Variants in SAMSN1 observed in about 807,000 individuals in gnomAD.
SAMSN1 encodes the protein SAM domain-containing protein SAMSN-1.
Under a neutral mutation model 42.0 loss-of-function variants are expected in SAMSN1, and 31 were observed. The observed-to-expected ratio is 0.74, with a 90% CI of 0.55 to 1.00. The LOEUF is 1.00. Ranked by LOEUF, SAMSN1 falls within the 50% of genes least tolerant of loss-of-function variation. The pLI is 0.00. For missense variants in SAMSN1, 464 were observed against 439.4 expected, an observed-to-expected ratio of 1.06 and a Z score of -0.50; for synonymous variants, 178 against 151.9, an observed-to-expected ratio of 1.17 and a Z score of -1.26.
chr21:14,530,437 G>T (rs538952248), intron 1 of SAMSN1, among the ~76,000 whole-genome samples: 1 of 152,074 alleles, frequency 6.6e-6, no homozygotes, highest in African/African-American at 2.4e-5. Flanking sequence ...ATCACTGGAT[G>T]ATAAAAAATG....
At chr21:14,621,496 T>C (rs1983004877) in intron 2 of SAMSN1, among the ~76,000 whole-genome samples, 1 of 152,202 alleles carries the variant, frequency 6.6e-6, no homozygotes, top group Non-Finnish European at 1.5e-5. Flanking sequence ...CAGGAGATTA[T>C]ATCCCACACC....
chr21:14,514,979 C>T (rs1361879609), intron 3 of SAMSN1, among the ~76,000 whole-genome samples: 3 of 151,880 alleles, frequency 2.0e-5, no homozygotes, highest in Admixed American at 1.3e-4. Flanking sequence ...AGGAACAAGC[C>T]TCAGGAAGAT....
At chr21:14,540,077 C>T (rs1979909169) in intron 1 of SAMSN1, among the ~76,000 whole-genome samples, 1 of 152,216 alleles carries the variant, frequency 6.6e-6, no homozygotes, top group Non-Finnish European at 1.5e-5. Flanking sequence ...GCTGGGAAAA[C>T]TGGTTAGCCA....
chr21:14,609,670 C>G lies in SAMSN1; in HGVS notation c.236-102G>C, dbSNP rs985260545. ...AACAAGTTCAGCACAGGATTTGCAA[C>G]TTGGTAAGTGGTATCTTAAGAGAGC... On this transcript the variant is annotated intron_variant, in intron 4 of 15. Transcript: ENST00000647101. 3 of 688,796 alleles carry G rather than the reference C, an allele frequency of 4.4e-6. No homozygotes were observed. In the African/African-American group the frequency reaches 5.3e-5, roughly 12 times the overall value. 42.7% of individuals were successfully genotyped at this position (688,796 alleles called of 1,614,324 possible). A position where few individuals can be genotyped will look rare whatever the true frequency, so the allele number is the denominator to read the frequency against.
chr21:14,609,439 T>G (rs1982648457), intron 5 of SAMSN1: 3 of 717,056 alleles, frequency 4.2e-6, no homozygotes, highest in African/African-American at 1.7e-5. Flanking sequence ...TTTAAACTAC[T>G]TTGGGAAAAT....
At chr21:14,595,456 T>C (rs988360326) in intron 6 of SAMSN1, among the ~76,000 whole-genome samples, 2 of 152,134 alleles carry the variant, frequency 1.3e-5, no homozygotes, top group East Asian at 3.8e-4. Context: ...TAAGGTACTT[T>C]GCTATAGCTG....
intron 2 of SAMSN1, among the ~76,000 whole-genome samples, chr21:14,626,930 T>C (rs1983193347): frequency 6.6e-6 from 1 of 152,134 alleles, no homozygotes; most frequent in Non-Finnish European, 1.5e-5. Flanking sequence ...ATATACACCA[T>C]GGAATACTAT....
At chr21:14,561,734 C>A (rs192630745) in intron 2 of SAMSN1, among the ~76,000 whole-genome samples, 1 of 152,244 alleles carries the variant, frequency 6.6e-6, no homozygotes, top group East Asian at 1.9e-4. Context: ...GCAGGGTGAA[C>A]CCTTAATCCA....
rs747236537 is a variant in SAMSN1, at chr21:14,485,962, T to C, written c.1072A>G (p.Asn358Asp). Residue 358 changes from asparagine (N) to aspartate (D), a missense_variant, in exon 8 of 8, where the codon AAT becomes GAT. By Grantham distance (23) the Asn-to-Asp change is conservative (BLOSUM62 1). Coordinates refer to ENST00000400566, the MANE Select transcript of SAMSN1 (RefSeq NM_022136.5). ...DNGKEDLESENLSDMVHKIII... is the reference protein window; with the variant it reads ...DNGKEDLESEDLSDMVHKIII... ...ATCTTATGTACCATGTCAGACAGAT[T>C]TTCAGACTCCAGATCCTCTTTGCCA... 8.7e-6 allele frequency: 14 copies of C among 1,613,656 alleles called. No homozygotes were observed. Among genetic ancestry groups the C allele is most frequent in the African/African-American group, 2.7e-5 (2 of 74,882 alleles).
intron 1 of SAMSN1, among the ~76,000 whole-genome samples, chr21:14,656,086 C>G (rs1243334938): frequency 6.6e-6 from 1 of 151,730 alleles, no homozygotes; most frequent in Non-Finnish European, 1.5e-5. Context: ...AAAGAGTTAT[C>G]TATGTTTGTG....
intron 1 of SAMSN1, among the ~76,000 whole-genome samples, chr21:14,524,105 A>T (rs1978676720): frequency 6.6e-6 from 1 of 152,210 alleles, no homozygotes. Flanking sequence ...TTTATGATGT[A>T]TAGATTATGG....
chr21:14,640,616 A>G (rs1325252358), intron 2 of SAMSN1, among the ~76,000 whole-genome samples: 1 of 151,310 alleles, frequency 6.6e-6, no homozygotes. Flanking sequence ...GCTCCAAACC[A>G]TTAACTGGGG....
chr21:14,536,136 A>C (rs1394354033), intron 1 of SAMSN1, among the ~76,000 whole-genome samples: 1 of 152,242 alleles, frequency 6.6e-6, no homozygotes, highest in Non-Finnish European at 1.5e-5. Flanking sequence ...CGAAATCTTT[A>C]ACACTAGAAA....
In SAMSN1 at chr21:14,493,613, A is replaced by ACACACACACG. The variant is rs1555826735; in HGVS notation, c.919+4828_919+4829insCGTGTGTGTG. Among the ~76,000 whole-genome samples the ACACACACACG allele has an allele frequency of 1.9e-4, 29 of 151,036 alleles. No individual in the cohort carries two copies. The South Asian group carries it at 2.1e-3, about 11-fold the overall frequency. On this transcript the variant is annotated intron_variant, in intron 7 of 7. Transcript: ENST00000400566. ...CACACACACACACACACACACACAC[A>ACACACACACG]TATTTTCTGTTCTCTTTTTTATTTG...
intron 5 of SAMSN1, among the ~76,000 whole-genome samples, chr21:14,506,843 C>A (rs1031316347): frequency 2.0e-5 from 3 of 152,114 alleles, no homozygotes; most frequent in Non-Finnish European, 2.9e-5. Flanking sequence ...AGATAACCCA[C>A]CATGATCAAG....
At chr21:14,559,350 A>G (rs1980866921) in intron 2 of SAMSN1, among the ~76,000 whole-genome samples, 1 of 152,168 alleles carries the variant, frequency 6.6e-6, no homozygotes, top group Non-Finnish European at 1.5e-5. Flanking sequence ...TTACCAAGGC[A>G]GCAATGGGGA....
At position 14,617,294 on chromosome 21, in the gene SAMSN1, G is replaced by A. The variant is rs190383414; in HGVS notation, c.157-1278C>T. Among the ~76,000 whole-genome samples the A allele has an allele frequency of 5.9e-5, 9 of 152,230 alleles. No homozygotes were observed. The East Asian group carries it at 7.7e-4, about 13-fold the overall frequency. On this transcript the variant is annotated intron_variant, in intron 2 of 15. Transcript: ENST00000647101. ...CATTCTCTATGCTTTGTCATCCTGT[G>A]CCCTAAAAGTATGCAATCTCTATTC... is the stretch of plus-strand genomic sequence containing the variant.
At chr21:14,558,119 T>C (rs1162952236) in intron 2 of SAMSN1, among the ~76,000 whole-genome samples, 1 of 152,194 alleles carries the variant, frequency 6.6e-6, no homozygotes, top group Non-Finnish European at 1.5e-5. Context: ...AGGCAGAAAT[T>C]AGGCCTATCG....
intron 4 of SAMSN1, among the ~76,000 whole-genome samples, chr21:14,611,441 T>C (rs1982705074): frequency 6.6e-6 from 1 of 152,216 alleles, no homozygotes; most frequent in South Asian, 2.1e-4. Context: ...AACCTATGCA[T>C]AGCATGAAGA....
Sources: allele counts gnomAD v4.1 joint callset (sites outside exome capture counted in the v4.1 genomes callset), GRCh38; gene constraint gnomAD v4.1.1; transcripts MANE v1.5; gene names NCBI Gene and HGNC (gene_info 2026-07-23, HGNC 2026-07-21).